The following LRP1B variants were observed in gnomAD, a reference collection of about 807,000 sequenced individuals.
The protein encoded by LRP1B is LDL receptor related protein 1B.
A neutral mutation model predicts 556.6 loss-of-function variants in LRP1B; 217 were observed. That is an observed-to-expected ratio of 0.39 (90% CI 0.35 to 0.44). The LOEUF is 0.44. Among genes scored for constraint, LRP1B ranks in the 20% least tolerant of loss-of-function variants. The pLI, the probability that LRP1B is intolerant of heterozygous loss-of-function variation, is 1.00. For missense variants in LRP1B, 5,053 were observed against 5,620.8 expected, an observed-to-expected ratio of 0.90 and a Z score of 3.23; for synonymous variants, 2,047 against 1,865.8, an observed-to-expected ratio of 1.10 and a Z score of -2.50.
chr2:141,093,801 AC>A (rs1175685555), intron 7 of LRP1B, among the ~76,000 whole-genome samples: 3 of 151,480 alleles, frequency 2.0e-5, no homozygotes, highest in Admixed American at 6.6e-5. Flanking sequence ...TGCAACCTCC[AC>A]CCCCCGGGTT....
intron 1 of LRP1B, among the ~76,000 whole-genome samples, chr2:142,067,944 A>T (rs527452925): frequency 6.6e-6 from 1 of 151,718 alleles, no homozygotes; most frequent in South Asian, 2.1e-4. Flanking sequence ...TATTAGCATA[A>T]TCTTTGCTCC....
chr2:140,526,698 C>CA (rs35329112), intron 47 of LRP1B, among the ~76,000 whole-genome samples: 31,635 of 136,236 alleles, frequency 0.23, 4,275 homozygotes, highest in East Asian at 0.5. Flanking sequence ...AGCACTGAGC[C>CA]AAAAAAAAAA....
chr2:140,401,425 G>A (rs1684496201), intron 66 of LRP1B, among the ~76,000 whole-genome samples: 1 of 152,122 alleles, frequency 6.6e-6, no homozygotes, highest in Admixed American at 6.5e-5. Flanking sequence ...ACTCTTCTGT[G>A]TAGCCAAGTC....
At chr2:140,660,332 T>C (rs1266782810) in intron 41 of LRP1B, among the ~76,000 whole-genome samples, 1 of 151,790 alleles carries the variant, frequency 6.6e-6, no homozygotes, top group African/African-American at 2.4e-5. Flanking sequence ...ATTTTTATTG[T>C]TCATTGCAGA....
chr2:141,659,218 C>T lies in LRP1B; in HGVS notation c.205+151061G>A, dbSNP rs372202718. Among the ~76,000 whole-genome samples the T allele has an allele frequency of 7.9e-5, 12 of 152,174 alleles. No homozygotes were observed. In the East Asian group the frequency reaches 1.5e-3, roughly 20 times the overall value. ...GTACCAGGCCATATGACTATTTATG[C>T]GAGAGCAGGCATCGGCAAAATTTTT... On this transcript the variant is annotated intron_variant, in intron 2 of 90. Coordinates refer to ENST00000389484, the MANE Select transcript of LRP1B (RefSeq NM_018557.3).
At chr2:140,366,202 A>G (rs1170860374) in intron 71 of LRP1B, among the ~76,000 whole-genome samples, 1 of 151,672 alleles carries the variant, frequency 6.6e-6, no homozygotes, top group East Asian at 1.9e-4. Context: ...ACTGATGGTA[A>G]CCTGATCTAG....
chr2:141,965,697 G>T (rs1701539639), intron 1 of LRP1B, among the ~76,000 whole-genome samples: 1 of 137,862 alleles, frequency 7.3e-6, no homozygotes, highest in Non-Finnish European at 1.5e-5. Flanking sequence ...GTATACATAT[G>T]TAACTAACCT....
At chr2:141,107,348 C>G (rs539895664) in intron 7 of LRP1B, among the ~76,000 whole-genome samples, 1 of 151,950 alleles carries the variant, frequency 6.6e-6, no homozygotes, top group East Asian at 1.9e-4. Flanking sequence ...TTAAAAAAAA[C>G]TTGGAAGACT....
chr2:141,248,680 T>C (rs1483130805), intron 4 of LRP1B, among the ~76,000 whole-genome samples: 1 of 152,164 alleles, frequency 6.6e-6, no homozygotes, highest in African/African-American at 2.4e-5. Flanking sequence ...GATATTTGTA[T>C]GCTGAACTAA....
intron 79 of LRP1B, among the ~76,000 whole-genome samples, chr2:140,332,857 G>T (rs768797031): frequency 3.3e-5 from 5 of 151,942 alleles, no homozygotes; most frequent in Non-Finnish European, 7.4e-5. Flanking sequence ...ACAAACTGCT[G>T]CCAGTGTCAT....
chr2:142,029,748 C>T (rs548027617), intron 1 of LRP1B, among the ~76,000 whole-genome samples: 20 of 151,766 alleles, frequency 1.3e-4, no homozygotes, highest in Non-Finnish European at 2.9e-5. Context: ...ATGTTTTACC[C>T]GCACAGTATT....
chr2:140,325,190 G>A (rs1573793785), intron 80 of LRP1B, among the ~76,000 whole-genome samples: 1 of 151,854 alleles, frequency 6.6e-6, no homozygotes, highest in African/African-American at 2.4e-5. Flanking sequence ...AGGAAGAGAA[G>A]GGAGCTGGAA....
At chr2:140,733,141 G>C (rs1315699317) in intron 35 of LRP1B, among the ~76,000 whole-genome samples, 1 of 152,062 alleles carries the variant, frequency 6.6e-6, no homozygotes. Context: ...AAACTCAAAA[G>C]GAATCTCGAG....
At chr2:140,237,368 A>G (rs1347584062) in intron 89 of LRP1B, among the ~76,000 whole-genome samples, 1 of 150,810 alleles carries the variant, frequency 6.6e-6, no homozygotes, top group African/African-American at 2.4e-5. Flanking sequence ...GCTGAATAGC[A>G]TTTTCTTTAT....
Position 140,850,259 on chromosome 2 carries a change from A to G in LRP1B, c.4782T>C (p.Phe1594=), listed in dbSNP as rs1442501550. ...IRGVDIDNPY[F]NFITAFTVPD... ...GGACTGTAAATGCCGTGATGAAGTT[A>G]AAGTATGGATTGTCAATATCCACTC... Residue 1594 remains phenylalanine, a synonymous_variant, in exon 29 of 91, where the codon TTT becomes TTC. Coordinates refer to ENST00000389484, the MANE Select transcript of LRP1B (RefSeq NM_018557.3). The G allele has an allele frequency of 2.5e-6, 4 of 1,613,722 alleles. No individual in the cohort carries two copies. Among genetic ancestry groups the G allele is most frequent in the Non-Finnish European group, 3.4e-6 (4 of 1,179,804 alleles).
At chr2:142,003,141 G>A (rs749496456) in intron 1 of LRP1B, among the ~76,000 whole-genome samples, 1 of 152,216 alleles carries the variant, frequency 6.6e-6, no homozygotes, top group East Asian at 1.9e-4. Flanking sequence ...GTCATTGAAA[G>A]GTTCTAGGCC....
chr2:141,143,168 A>T (rs1701698880), intron 7 of LRP1B, among the ~76,000 whole-genome samples: 1 of 152,010 alleles, frequency 6.6e-6, no homozygotes, highest in Non-Finnish European at 1.5e-5. Context: ...TGACCTCGTG[A>T]TCCACCCCAC....
At chr2:141,464,607 T>TATATATATATATATATATATATA (rs1295526699) in intron 3 of LRP1B, among the ~76,000 whole-genome samples, 4 of 59,904 alleles carry the variant, frequency 6.7e-5, no homozygotes, top group Non-Finnish European at 1.1e-4. Flanking sequence ...TATATATATA[T>TATATATATATATATATATATATA]TTTTTTAGTA....
rs186229980 is a variant in LRP1B at position 141,376,483 on chromosome 2, T to A, written c.343+103913A>T. 2.1e-3 allele frequency among the ~76,000 whole-genome samples: 318 copies of A among 152,224 alleles called. 2 individuals are homozygous for A. Among genetic ancestry groups the A allele is most frequent in the Admixed American group, 5.2e-3 (79 of 15,282 alleles). On this transcript the variant is annotated intron_variant, in intron 3 of 90. Coordinates refer to ENST00000389484, the MANE Select transcript of LRP1B (RefSeq NM_018557.3). ...TATCATATTATTCTCTCCTAGACAA[T>A]CTCTTCAAAATGTGAGCATCTACTT...
Sources: gnomAD v4.1 joint callset for allele counts (sites outside exome capture counted in the v4.1 genomes callset) on GRCh38, gnomAD v4.1.1 for gene constraint, MANE v1.5 for transcripts, NCBI Gene and HGNC (gene_info 2026-07-23, HGNC 2026-07-21) for gene names.